Variants in TENM4 observed in about 807,000 individuals in gnomAD.
The protein encoded by TENM4 is teneurin transmembrane protein 4.
In TENM4, 82 loss-of-function variants were observed where a neutral mutation model predicts 243.3. The ratio of observed to expected loss-of-function variants is 0.34; its 90% CI spans 0.28 to 0.40. The LOEUF (loss-of-function observed/expected upper bound fraction) is 0.40, where lower values mean the gene tolerates loss of function less well. Among genes scored for constraint, TENM4 ranks in the 10% least tolerant of loss-of-function variants. The pLI, the probability that TENM4 is intolerant of heterozygous loss-of-function variation, is 1.00. For synonymous variants in TENM4, 1,412 were observed against 1,456.3 expected (o/e 0.97, Z 0.69); for missense variants, 3,138 against 3,673.3 (o/e 0.85, Z 3.77).
intron 12 of TENM4, among the ~76,000 whole-genome samples, chr11:78,843,528 C>G (rs1858310827): frequency 6.6e-6 from 1 of 152,000 alleles, no homozygotes; most frequent in African/African-American, 2.4e-5. Context: ...TGTTAAATAT[C>G]TAAGATAATA....
intron 2 of TENM4, among the ~76,000 whole-genome samples, chr11:79,235,549 G>T (rs552424915): frequency 6.6e-6 from 1 of 152,174 alleles, no homozygotes. Context: ...CAAGACTGTT[G>T]TTAATGATTG....
chr11:78,743,593 T>C (rs1443958231), intron 19 of TENM4, among the ~76,000 whole-genome samples: 1 of 152,150 alleles, frequency 6.6e-6, no homozygotes, highest in Non-Finnish European at 1.5e-5. Context: ...TTGTGCCCTT[T>C]CAAGAGGCCA....
At chr11:78,873,919 C>A (rs1859201022) in intron 9 of TENM4, among the ~76,000 whole-genome samples, 1 of 151,974 alleles carries the variant, frequency 6.6e-6, no homozygotes, top group Non-Finnish European at 1.5e-5. Context: ...ACGGTCACCA[C>A]CTTCTCTATT....
chr11:78,811,539 G>T (rs1469503587), intron 14 of TENM4, among the ~76,000 whole-genome samples: 3 of 151,586 alleles, frequency 2.0e-5, no homozygotes, highest in Non-Finnish European at 4.4e-5. Flanking sequence ...GGAGAGGCAT[G>T]CTCATGGGCA....
intron 6 of TENM4, among the ~76,000 whole-genome samples, chr11:79,024,390 G>C (rs372190815): frequency 4.6e-5 from 7 of 151,208 alleles, no homozygotes; most frequent in South Asian, 4.1e-4. Flanking sequence ...CTAGCAGAGA[G>C]GGGGGGCAGC....
chr11:79,410,864 G>A (rs951272134), intron 1 of TENM4, among the ~76,000 whole-genome samples: 5 of 152,102 alleles, frequency 3.3e-5, no homozygotes, highest in Non-Finnish European at 5.9e-5. Context: ...AGTAAGTCCT[G>A]TACTCTACAG....
rs373048709 is a variant in TENM4, at chr11:78,776,800, G to T, written c.2392+1802C>A. ...AGAGCAGAGCAGGTGATTTGAGAAA[G>T]AATATAGGCCACTTCCCAGTAAGGG... On this transcript the variant is annotated intron_variant, in intron 17 of 33. Transcript: ENST00000278550. 3.9e-5 allele frequency among the ~76,000 whole-genome samples: 6 copies of T among 152,050 alleles called. No individual in the cohort carries two copies. The East Asian group carries it at 7.7e-4, about 20-fold the overall frequency.
intron 2 of TENM4, among the ~76,000 whole-genome samples, chr11:79,218,219 G>A (rs1287848178): frequency 8.6e-6 from 1 of 116,630 alleles, no homozygotes; most frequent in Non-Finnish European, 1.9e-5. Context: ...TTCATTAGAA[G>A]TTTACCCCCT....
At chr11:79,326,131 T>C (rs1361320406) in intron 1 of TENM4, among the ~76,000 whole-genome samples, 2 of 152,188 alleles carry the variant, frequency 1.3e-5, no homozygotes, top group East Asian at 3.9e-4. Flanking sequence ...AACAAGTTGT[T>C]TAAAAAGTCC....
intron 19 of TENM4, among the ~76,000 whole-genome samples, chr11:78,751,776 A>G (rs1279555046): frequency 6.6e-6 from 1 of 152,168 alleles, no homozygotes; most frequent in African/African-American, 2.4e-5. Context: ...GAGATGTCTC[A>G]CGTTGCCCTC....
chr11:79,357,742 A>G (rs1264833497), intron 1 of TENM4, among the ~76,000 whole-genome samples: 13 of 152,216 alleles, frequency 8.5e-5, no homozygotes. Context: ...ACCTTCCAAA[A>G]TAAAGATGGG....
intron 2 of TENM4, among the ~76,000 whole-genome samples, chr11:79,228,236 G>C (rs1864307867): frequency 6.6e-6 from 1 of 152,192 alleles, no homozygotes; most frequent in Non-Finnish European, 1.5e-5. Context: ...CCCAGCAGAG[G>C]TCAGCTTCCC....
intron 2 of TENM4, among the ~76,000 whole-genome samples, chr11:79,245,881 A>T (rs549778376): frequency 8.9e-4 from 130 of 145,820 alleles, no homozygotes; most frequent in African/African-American, 3.2e-3. Context: ...CGGAGTTTGC[A>T]GTGAGCTGAG....
intron 6 of TENM4, among the ~76,000 whole-genome samples, chr11:79,034,712 G>A (rs1859332582): frequency 6.6e-6 from 1 of 152,082 alleles, no homozygotes; most frequent in Non-Finnish European, 1.5e-5. Context: ...AGACGGGCCT[G>A]GAAAATGCCT....
intron 2 of TENM4, among the ~76,000 whole-genome samples, chr11:79,284,221 T>A (rs1307764933): frequency 6.6e-6 from 1 of 152,152 alleles, no homozygotes; most frequent in South Asian, 2.1e-4. Flanking sequence ...GAACTTTATA[T>A]GGAAATGCAA....
intron 1 of TENM4, among the ~76,000 whole-genome samples, chr11:79,421,808 T>C (rs1222259054): frequency 4.6e-5 from 7 of 152,086 alleles, no homozygotes; most frequent in Non-Finnish European, 1.0e-4. Flanking sequence ...TATTTCAAAA[T>C]GCCCATTAAA....
chr11:79,062,895 T>C (rs1860138195), intron 6 of TENM4, among the ~76,000 whole-genome samples: 1 of 152,024 alleles, frequency 6.6e-6, no homozygotes, highest in South Asian at 2.1e-4. Context: ...TGGCTGGGTA[T>C]GGCCTTGGGA....
intron 13 of TENM4, 43 bp from the exon 14 acceptor site, chr11:78,812,359 C>T (rs1258227135): frequency 6.5e-7 from 1 of 1,536,656 alleles, no homozygotes; most frequent in African/African-American, 1.4e-5. Context: ...CAATGTCCAG[C>T]ACACCCCAAC....
intron 19 of TENM4, among the ~76,000 whole-genome samples, chr11:78,741,112 A>C (rs891560218): frequency 1.3e-5 from 2 of 152,220 alleles, no homozygotes; most frequent in African/African-American, 4.8e-5. Context: ...CCAGATTAAC[A>C]TAAAGCCTTC....
Sources: allele counts gnomAD v4.1 joint callset (sites outside exome capture counted in the v4.1 genomes callset), GRCh38; gene constraint gnomAD v4.1.1; transcripts MANE v1.5; gene names NCBI Gene and HGNC (gene_info 2026-07-23, HGNC 2026-07-21).